ARVCF: variants seen among roughly 807,000 people sequenced by gnomAD.
ARVCF encodes the protein splicing regulator ARVCF.
ARVCF carries 66 observed loss-of-function variants against 90.9 expected under a neutral mutation model. The observed-to-expected ratio is 0.73, with a 90% CI of 0.60 to 0.89. The LOEUF is 0.89. Ranked by LOEUF, ARVCF falls within the 40% of genes least tolerant of loss-of-function variation. ARVCF has a pLI of 0.00. For synonymous variants in ARVCF, 653 were observed against 603.4 expected (o/e 1.08, Z -1.21); for missense variants, 1,469 against 1,382.3 (o/e 1.06, Z -1.00).
At chr22:20,001,386 A>G (rs1944440203) in intron 2 of ARVCF, among the ~76,000 whole-genome samples, 1 of 152,208 alleles carries the variant, frequency 6.6e-6, no homozygotes, top group South Asian at 2.1e-4. Context: ...CCCTTCCACC[A>G]TGGGAGGACT....
downstream of ARVCF, among the ~76,000 whole-genome samples, chr22:19,968,331 C>A (rs977750623): frequency 6.6e-6 from 1 of 152,196 alleles, no homozygotes; most frequent in African/African-American, 2.4e-5. Context: ...CCTGTCCTCA[C>A]GGGGCCCATG....
At chr22:19,971,754 CCTGGG>C in intron 18 of ARVCF, 127 bp downstream of exon 18, 2 of 936,214 alleles carry the variant, frequency 2.1e-6, no homozygotes, top group Non-Finnish European at 1.7e-6. Context: ...GGGGCTGCTT[CCTGGG>C]CTTGGCCCCA....
chr22:19,979,259 A>T (rs1943342553), intron 6 of ARVCF, 179 bp from the exon 7 acceptor site: 2 of 685,306 alleles, frequency 2.9e-6, no homozygotes, highest in African/African-American at 3.6e-5. Flanking sequence ...CCAGCTAGGA[A>T]GGAGCCCCAA....
At chr22:19,967,027 G>T, downstream of ARVCF, 1 of 1,201,092 alleles carries the variant, frequency 8.3e-7, no homozygotes. Flanking sequence ...TTGCAGTGTC[G>T]GGCGACAGGC....
Position 19,977,972 on chromosome 22 carries a change from C to T in ARVCF, c.1684G>A (p.Asp562Asn), listed in dbSNP as rs373958610. ...TCCCTGCCCACCTTGTTGTCAGTGT[C>T]CTTCCGGCCCACAGCCGACTGCAGG... ...HALQSAVGRK[D>N]TDNKSVENCV... The change falls in exon 8 of 20, where the codon GAC (aspartate) becomes AAC (asparagine). Residue 562 changes from aspartate to asparagine, a missense_variant. Transcript: ENST00000263207. 2.7e-5 allele frequency: 43 copies of T among 1,608,626 alleles called. No individual in the cohort carries two copies. Among genetic ancestry groups the T allele is most frequent in the Middle Eastern group, 3.3e-4 (2 of 6,040 alleles).
rs1943377577 is a variant in ARVCF, at chr22:19,979,780, C to A, written c.1359G>T (p.Arg453Ser). Residue 453 changes from arginine (R) to serine (S), a missense_variant, in exon 6 of 20, where the codon AGG (arginine) becomes AGT (serine). Physicochemically the swap from Arg to Ser is moderately radical, Grantham distance 110. Transcript: ENST00000263207. ...CACGGACCTCGTTGTCCCGGGCAGC[C>A]CTCAGCAGGCGCACCAGGGCAGGCA... is the stretch of plus-strand genomic sequence containing the variant. ...GGVPALVRLLRAARDNEVREL... is the reference protein window; with the variant it reads ...GGVPALVRLLSAARDNEVREL... 1 of 1,608,160 alleles carries A rather than the reference C, an allele frequency of 6.2e-7. No individual in the cohort carries two copies. The highest frequency in any genetic ancestry group is 8.5e-7 in the Non-Finnish European group (1 of 1,177,558).
chr22:19,987,228 A>G (rs1234765430), intron 3 of ARVCF: 1 of 280,434 alleles, frequency 3.6e-6, no homozygotes, highest in African/African-American at 2.3e-5. Context: ...GGCGGCGGTC[A>G]CGGCGAGCAG....
At chr22:19,985,319 GC>G (rs1943709103) in intron 3 of ARVCF, among the ~76,000 whole-genome samples, 2 of 152,266 alleles carry the variant, frequency 1.3e-5, no homozygotes, top group African/African-American at 4.8e-5. Flanking sequence ...CAGGTCTGGG[GC>G]CCCCAGGACT....
chr22:19,998,424 C>T (rs946882619), intron 2 of ARVCF, among the ~76,000 whole-genome samples: 2 of 152,172 alleles, frequency 1.3e-5, no homozygotes, highest in Admixed American at 6.5e-5. Context: ...AAGCAGGGCC[C>T]GCCGGCCCAG....
At chr22:19,971,555 T>G (rs1942790415) in intron 18 of ARVCF, among the ~76,000 whole-genome samples, 1 of 152,156 alleles carries the variant, frequency 6.6e-6, no homozygotes, top group Non-Finnish European at 1.5e-5. Context: ...GCCAGGGGAT[T>G]GGCACACAGC....
Position 19,977,939 on chromosome 22 carries a change from T to C in ARVCF, c.1698+19A>G. The C allele has an allele frequency of 6.3e-7, 1 of 1,590,748 alleles. No individual in the cohort carries two copies. The highest frequency in any genetic ancestry group is 8.6e-7 in the Non-Finnish European group (1 of 1,167,450). ...GTCTCTCCAGCCCTTGGTATGAGGC[T>C]GTGACCGTCCCTGCCCACCTTGTTG... On this transcript the variant is annotated intron_variant, in intron 8 of 19. Transcript: ENST00000263207.
chr22:20,009,849 C>T (rs1006603594), intron 2 of ARVCF, among the ~76,000 whole-genome samples: 1 of 152,226 alleles, frequency 6.6e-6, no homozygotes, highest in Non-Finnish European at 1.5e-5. Context: ...ACATGGCCTA[C>T]GGCTGTGATC....
chr22:19,982,118 C>T, intron 3 of ARVCF, 27 bp from the exon 4 acceptor site: 1 of 1,605,738 alleles, frequency 6.2e-7, no homozygotes, highest in Non-Finnish European at 8.5e-7. Context: ...CATTGGTGGG[C>T]AGGCCTGCTG....
intron 3 of ARVCF, chr22:19,986,821 A>AC (rs1482498657): frequency 2.7e-5 from 11 of 413,822 alleles, no homozygotes; most frequent in Non-Finnish European, 4.3e-5. Flanking sequence ...AGGGGTCCCG[A>AC]CCCCCCCAGG....
At chr22:19,989,622 C>A (rs568349556) in intron 3 of ARVCF, among the ~76,000 whole-genome samples, 97 of 152,290 alleles carry the variant, frequency 6.4e-4, no homozygotes, top group African/African-American at 2.1e-3. Flanking sequence ...CAGGGCCCAG[C>A]AGGACCAAAG....
At chr22:19,984,996 G>A (rs1943689601) in intron 3 of ARVCF, among the ~76,000 whole-genome samples, 1 of 152,182 alleles carries the variant, frequency 6.6e-6, no homozygotes, top group Non-Finnish European at 1.5e-5. Flanking sequence ...GTTGGCTGCA[G>A]TCCCTGGATC....
chr22:19,975,440 G>A (rs2518824), intron 11 of ARVCF, among the ~76,000 whole-genome samples: 1 of 151,968 alleles, frequency 6.6e-6, no homozygotes, highest in African/African-American at 2.4e-5. Flanking sequence ...GCAAGCCCTC[G>A]GCCTCTCTGT....
At chr22:20,000,765 C>T (rs917993182) in intron 2 of ARVCF, among the ~76,000 whole-genome samples, 22 of 152,198 alleles carry the variant, frequency 1.4e-4, no homozygotes, top group African/African-American at 4.3e-4. Context: ...CTTATCAAAG[C>T]GGCTCTTGAG....
intron 2 of ARVCF, among the ~76,000 whole-genome samples, chr22:20,009,654 T>A (rs1291935171): frequency 6.6e-6 from 1 of 152,234 alleles, no homozygotes; most frequent in African/African-American, 2.4e-5. Flanking sequence ...GGCAAAACTC[T>A]GGCAGCGTGG....
Sources: gnomAD v4.1 joint callset for allele counts (sites outside exome capture counted in the v4.1 genomes callset) on GRCh38, gnomAD v4.1.1 for gene constraint, MANE v1.5 for transcripts, NCBI Gene and HGNC (gene_info 2026-07-23, HGNC 2026-07-21) for gene names.